Variants in ACSF2 observed in about 807,000 individuals in gnomAD.
ACSF2 encodes the protein medium-chain acyl-CoA ligase ACSF2, mitochondrial.
A neutral mutation model predicts 79.3 loss-of-function variants in ACSF2; 52 were observed. The observed-to-expected ratio is 0.66, with a 90% CI of 0.53 to 0.83. ACSF2 has a LOEUF of 0.83. ACSF2 is among the 40% of genes least tolerant of loss of function. The pLI is 0.00. For missense variants in ACSF2, 661 were observed against 803.3 expected, an observed-to-expected ratio of 0.82 and a Z score of 2.14; for synonymous variants, 283 against 312.6, an observed-to-expected ratio of 0.91 and a Z score of 1.00.
At position 50,474,766 on chromosome 17, in the gene ACSF2, C is replaced by G; in HGVS notation, c.*214C>G. ...AGGCAGGCAGCCTGCCCAGGCCCTCCCTCCTGTCCATCCCCCACATTCCCC... is the reference window on the plus strand; with the variant it reads ...AGGCAGGCAGCCTGCCCAGGCCCTCGCTCCTGTCCATCCCCCACATTCCCC... On this transcript the variant is annotated 3_prime_UTR_variant, in exon 16 of 16. Coordinates refer to ENST00000300441, the MANE Select transcript of ACSF2 (RefSeq NM_025149.6). The surrounding 1 kb of genome is among the most constrained non-coding windows in gnomAD (Gnocchi z 4.2). The G allele has an allele frequency of 1.7e-6, 1 of 572,988 alleles. No homozygotes were observed. Among genetic ancestry groups the G allele is most frequent in the Non-Finnish European group, 3.1e-6 (1 of 323,704 alleles). 35.5% of individuals were successfully genotyped at this position (572,988 alleles called of 1,614,324 possible).
rs546914351 is a variant in ACSF2 at position 50,466,518 on chromosome 17, C to T, written c.1215+2224C>T. Reference sequence around the variant, plus strand: ...TCCTCTTCCCCTGGCACCACAATCCCTGCACAAACACTGGGACTGTGGGGC... The same window carrying T: ...TCCTCTTCCCCTGGCACCACAATCCTTGCACAAACACTGGGACTGTGGGGC... On this transcript the variant is annotated intron_variant, in intron 10 of 15. Transcript: ENST00000300441. 2.0e-5 allele frequency among the ~76,000 whole-genome samples: 3 copies of T among 152,330 alleles called. No individual in the cohort carries two copies. The South Asian group carries it at 6.2e-4, about 32-fold the overall frequency.
intron 1 of ACSF2, among the ~76,000 whole-genome samples, chr17:50,441,476 G>T (rs2030913755): frequency 3.3e-5 from 5 of 152,160 alleles, no homozygotes; most frequent in African/African-American, 1.2e-4. Flanking sequence ...TGCCTGGCCT[G>T]GCGGTCCTTT....
intron 9 of ACSF2, 98 bp downstream of exon 9, chr17:50,464,007 G>A: frequency 8.0e-7 from 1 of 1,252,494 alleles, no homozygotes; most frequent in East Asian, 2.3e-5. Flanking sequence ...CTTTTATATA[G>A]GGGGCAAGAA....
Position 50,463,460 on chromosome 17 carries a change from C to A in ACSF2, c.954C>A (p.Gly318=), listed in dbSNP as rs1370362236. 6.2e-7 allele frequency: 1 copy of A among 1,614,000 alleles called. No individual in the cohort carries two copies. Among genetic ancestry groups the A allele is most frequent in the Non-Finnish European group, 8.5e-7 (1 of 1,180,036 alleles). The part of the protein sequence containing the change: ...PLYHCLGSVA[G]TMMCLMYGAT... The stretch of plus-strand genomic sequence containing the variant: ...ACCATTGCCTGGGTTCCGTGGCAGG[C>A]ACAATGATGTGTCTGATGTACGGTG... The change falls in exon 8 of 16, where the codon GGC becomes GGA. Residue 318 remains glycine, a synonymous_variant. Coordinates refer to ENST00000300441, the MANE Select transcript of ACSF2 (RefSeq NM_025149.6). The surrounding 1 kb of genome is among the most constrained non-coding windows in gnomAD (Gnocchi z 4.6).
At chr17:50,459,124 C>T (rs1319501797) in intron 1 of ACSF2, among the ~76,000 whole-genome samples, 2 of 152,240 alleles carry the variant, frequency 1.3e-5, no homozygotes, top group African/African-American at 4.8e-5. Flanking sequence ...TCGCAAAGCA[C>T]CTTTGCAGGC....
intron 10 of ACSF2, chr17:50,467,863 G>T (rs2032837873): frequency 3.4e-6 from 2 of 593,738 alleles, no homozygotes; most frequent in Non-Finnish European, 5.7e-6. Flanking sequence ...AGCAGACAGG[G>T]ATTAGGGTAG....
At chr17:50,449,358 T>A (rs2031513344) in intron 1 of ACSF2, among the ~76,000 whole-genome samples, 1 of 150,644 alleles carries the variant, frequency 6.6e-6, no homozygotes, top group Admixed American at 6.6e-5. Context: ...CACTTATAAA[T>A]GTTTTCAAGG....
At chr17:50,461,043 A>G (rs2032299392) in intron 2 of ACSF2, 171 bp downstream of exon 2, 1 of 1,106,138 alleles carries the variant, frequency 9.0e-7, no homozygotes, top group African/African-American at 1.6e-5. Context: ...AAGGGGTCCA[A>G]TGCCTCCTGT....
At chr17:50,451,228 G>A (rs925446664) in intron 1 of ACSF2, among the ~76,000 whole-genome samples, 24 of 152,196 alleles carry the variant, frequency 1.6e-4, no homozygotes, top group Non-Finnish European at 2.9e-5. Flanking sequence ...ATGAGCCACT[G>A]TGCCTGGCCC....
At chr17:50,461,564 G>A in intron 3 of ACSF2, 69 bp from the exon 4 acceptor site, 1 of 1,607,076 alleles carries the variant, frequency 6.2e-7, no homozygotes, top group African/African-American at 1.3e-5. Context: ...ATGCCTCCTG[G>A]GGGCGGAGGG....
chr17:50,462,311 G>C lies in ACSF2; in HGVS notation c.626+9G>C. On this transcript the variant is annotated intron_variant, in intron 5 of 15. Coordinates refer to ENST00000300441, the MANE Select transcript of ACSF2 (RefSeq NM_025149.6). ...GCCTTGAAGAGTCAGAGGTGGGTGTGTCCCAGGTTAGTGGGTGGTGCATCA... is the reference window on the plus strand; with the variant it reads ...GCCTTGAAGAGTCAGAGGTGGGTGTCTCCCAGGTTAGTGGGTGGTGCATCA... 6.2e-7 allele frequency: 1 copy of C among 1,613,678 alleles called. No individual in the cohort carries two copies. The highest frequency in any genetic ancestry group is 1.7e-5 in the Admixed American group (1 of 60,030).
intron 3 of ACSF2, 129 bp from the exon 4 acceptor site, chr17:50,461,504 G>A: frequency 6.3e-7 from 1 of 1,582,718 alleles, no homozygotes; most frequent in Admixed American, 1.7e-5. Context: ...TTCTCCTGAG[G>A]CCCACCAAGG....
At chr17:50,441,230 C>G (rs2030886203) in intron 1 of ACSF2, among the ~76,000 whole-genome samples, 1 of 152,260 alleles carries the variant, frequency 6.6e-6, no homozygotes, top group Non-Finnish European at 1.5e-5. Context: ...TGTGCAGTGG[C>G]ACGATGTCGG....
At chr17:50,449,224 C>T (rs2031501584) in intron 1 of ACSF2, among the ~76,000 whole-genome samples, 1 of 151,502 alleles carries the variant, frequency 6.6e-6, no homozygotes, top group Admixed American at 6.6e-5. Context: ...ATCATGTTGC[C>T]CAGGGTGCTC....
At chr17:50,469,646 A>C (rs1041809853) in intron 10 of ACSF2, among the ~76,000 whole-genome samples, 28 of 152,294 alleles carry the variant, frequency 1.8e-4, no homozygotes, top group African/African-American at 6.7e-4. Context: ...GGCCACAAGC[A>C]CAGTCGCACC....
In ACSF2 at chr17:50,442,331, T is replaced by TATTTA. The variant is rs1447613085; in HGVS notation, c.128+15942_128+15943insATTTA. On this transcript the variant is annotated intron_variant, in intron 1 of 15. Coordinates refer to ENST00000300441, the MANE Select transcript of ACSF2 (RefSeq NM_025149.6). ...AAAAAAACAAAACAAAACAATTTTT[T>TATTTA]TTTTTTTTTTTTTGTAGAGACTGGG... is the stretch of plus-strand genomic sequence containing the variant. Among the ~76,000 whole-genome samples, 4 of 150,858 alleles carry TATTTA rather than the reference T, an allele frequency of 2.7e-5. No individual in the cohort carries two copies. The East Asian group carries it at 7.8e-4, about 29-fold the overall frequency.
chr17:50,435,913 C>T (rs2030369023), intron 1 of ACSF2, among the ~76,000 whole-genome samples: 1 of 151,572 alleles, frequency 6.6e-6, no homozygotes, highest in African/African-American at 2.4e-5. Flanking sequence ...CCACTGCACC[C>T]AGCGCTCAGT....
intron 1 of ACSF2, among the ~76,000 whole-genome samples, chr17:50,436,606 G>T (rs2030445996): frequency 6.6e-6 from 1 of 151,438 alleles, no homozygotes. Context: ...GCTATTTTTT[G>T]TATTTTTAGT....
chr17:50,433,252 C>G (rs1180219069), intron 1 of ACSF2, among the ~76,000 whole-genome samples: 3 of 151,822 alleles, frequency 2.0e-5, no homozygotes, highest in Non-Finnish European at 4.4e-5. Context: ...ATTACAGACA[C>G]CTGCCACCAC....
Sources: allele counts gnomAD v4.1 joint callset (sites outside exome capture counted in the v4.1 genomes callset), GRCh38; gene constraint gnomAD v4.1.1; non-coding constraint Gnocchi (gnomAD v3.1); transcripts MANE v1.5; gene names NCBI Gene and HGNC (gene_info 2026-07-23, HGNC 2026-07-21).